GARNL3: variants seen among roughly 807,000 people sequenced by gnomAD.
GARNL3 encodes GTPase-activating Rap/Ran-GAP domain-like protein 3.
In GARNL3, 63 loss-of-function variants were observed where a neutral mutation model predicts 125.0. The observed-to-expected ratio is 0.50, with a 90% confidence interval of 0.41 to 0.62. The LOEUF is 0.62. Ranked by LOEUF, GARNL3 falls within the 20% of genes least tolerant of loss-of-function variation. The probability of loss-of-function intolerance (pLI) is 0.00; values close to 1 mark genes in which losing one functional copy is unlikely to be tolerated. For missense variants in GARNL3, 994 were observed against 1,244.0 expected, an observed-to-expected ratio of 0.80 and a Z score of 3.02; for synonymous variants, 439 against 457.5, an observed-to-expected ratio of 0.96 and a Z score of 0.52.
upstream of GARNL3, chr9:127,264,102 T>G: frequency 1.3e-6 from 1 of 753,462 alleles, no homozygotes. Flanking sequence ...CGTAGAGTTA[T>G]TTGCATGACA....
intron 1 of GARNL3, among the ~76,000 whole-genome samples, chr9:127,229,599 G>A (rs528262335): frequency 6.6e-6 from 1 of 152,282 alleles, no homozygotes; most frequent in South Asian, 2.1e-4. Context: ...GGACTTAAGC[G>A]ATTCTCCAAC....
chr9:127,295,218 A>G (rs943795060), intron 2 of GARNL3, among the ~76,000 whole-genome samples: 1 of 152,240 alleles, frequency 6.6e-6, no homozygotes, highest in African/African-American at 2.4e-5. Flanking sequence ...TGCCACAGGC[A>G]TGTCAGAACA....
rs76770209 is a variant in GARNL3 at position 127,256,705 on chromosome 9, G to A, written c.144-8247G>A. Among the ~76,000 whole-genome samples, 1,273 of 152,304 alleles carry A rather than the reference G, an allele frequency of 8.4e-3. 24 individuals are homozygous for A. In the East Asian group the frequency reaches 0.086, roughly 10 times the overall value. On this transcript the variant is annotated intron_variant, in intron 2 of 10. Coordinates refer to the GARNL3 transcript ENST00000439286. ...TTTTGAGATAATTATAGATTCATGT[G>A]CAGTGGTAAGAAATAACACAGAGAC...
At chr9:127,325,464 C>T (rs1224088535) in intron 7 of GARNL3, among the ~76,000 whole-genome samples, 2 of 152,030 alleles carry the variant, frequency 1.3e-5, no homozygotes, top group Admixed American at 6.6e-5. Context: ...GTTGCCATTC[C>T]CTGTTGCCCC....
At chr9:127,292,205 C>T (rs201936623) in intron 2 of GARNL3, among the ~76,000 whole-genome samples, 1 of 152,216 alleles carries the variant, frequency 6.6e-6, no homozygotes, top group East Asian at 1.9e-4. Flanking sequence ...TGTACATTTA[C>T]CTGACCCTTG....
chr9:127,355,935 A>C (rs1312143315), intron 20 of GARNL3, among the ~76,000 whole-genome samples: 1 of 152,172 alleles, frequency 6.6e-6, no homozygotes, highest in Non-Finnish European at 1.5e-5. Context: ...TATGGGAGTG[A>C]GTGATGAGGG....
intron 15 of GARNL3, among the ~76,000 whole-genome samples, chr9:127,345,026 C>A (rs1830063556): frequency 6.6e-6 from 1 of 152,168 alleles, no homozygotes; most frequent in African/African-American, 2.4e-5. Context: ...TCAAGGGAAG[C>A]TTAGTTACAA....
chr9:127,254,768 CA>C (rs35993565), intron 2 of GARNL3, among the ~76,000 whole-genome samples: 239 of 90,922 alleles, frequency 2.6e-3, no homozygotes, highest in Admixed American at 7.3e-3. Flanking sequence ...GATTCTGTCT[CA>C]AAAAAAAAAA....
chr9:127,277,494 A>T (rs560874951), intron 1 of GARNL3, among the ~76,000 whole-genome samples: 1 of 151,654 alleles, frequency 6.6e-6, no homozygotes, highest in South Asian at 2.1e-4. Flanking sequence ...CCTAATGTAC[A>T]GCTCTGGCAA....
At chr9:127,281,157 C>G (rs141642015) in intron 1 of GARNL3, among the ~76,000 whole-genome samples, 1,669 of 152,090 alleles carry the variant, frequency 0.011, 16 homozygotes, top group Non-Finnish European at 0.016. Context: ...CCAGATAGAA[C>G]CCATGCCAAA....
Position 127,239,816 on chromosome 9 carries a change from G to T in GARNL3, c.-28-3263G>T, listed in dbSNP as rs573201898. On this transcript the variant is annotated intron_variant, in intron 1 of 10. Transcript: ENST00000439286. ...AATCTGAACAGTTTTAGAAGTCAGAGAATTTGATGAAAGTGCAAAAAAAGA... is the reference window on the plus strand; with the variant it reads ...AATCTGAACAGTTTTAGAAGTCAGATAATTTGATGAAAGTGCAAAAAAAGA... Among the ~76,000 whole-genome samples, 8 of 152,220 alleles carry T rather than the reference G, an allele frequency of 5.3e-5. No homozygotes were observed. In the South Asian group the frequency reaches 1.5e-3, roughly 28 times the overall value.
intron 2 of GARNL3, among the ~76,000 whole-genome samples, chr9:127,253,412 T>C (rs2063440854): frequency 6.6e-6 from 1 of 152,240 alleles, no homozygotes; most frequent in South Asian, 2.1e-4. Flanking sequence ...CACACTTTCA[T>C]TTAACAAAAC....
In GARNL3 at chr9:127,313,579, T is replaced by G; in HGVS notation, c.438+20T>G. On this transcript the variant is annotated intron_variant, in intron 4 of 27. Transcript: ENST00000373387. The stretch of plus-strand genomic sequence containing the variant: ...AAAACAGTAAGTATATGGCTCACAC[T>G]TGAAGCAAAATTTATGCATCAGTTT... 6.6e-7 allele frequency: 1 copy of G among 1,516,248 alleles called. No individual in the cohort carries two copies. Among genetic ancestry groups the G allele is most frequent in the Non-Finnish European group, 9.2e-7 (1 of 1,090,678 alleles). 93.9% of individuals were successfully genotyped at this position (1,516,248 alleles called of 1,614,324 possible).
intron 20 of GARNL3, among the ~76,000 whole-genome samples, chr9:127,355,722 G>A (rs529868418): frequency 9.6e-4 from 146 of 152,308 alleles, no homozygotes; most frequent in African/African-American, 3.5e-3. Context: ...GTCTTCTGAT[G>A]GGGATTACTT....
At chr9:127,267,296 G>A (rs1020723358) in intron 1 of GARNL3, among the ~76,000 whole-genome samples, 13 of 152,120 alleles carry the variant, frequency 8.5e-5, no homozygotes, top group Admixed American at 2.0e-4. Context: ...AAAATTCCAC[G>A]TATAATCTTA....
intron 16 of GARNL3, among the ~76,000 whole-genome samples, chr9:127,347,869 CTT>C (rs1830223399): frequency 6.6e-6 from 1 of 152,042 alleles, no homozygotes; most frequent in Admixed American, 6.5e-5. Context: ...TTGGAATATT[CTT>C]TTTGAGACCG....
At chr9:127,336,952 T>G (rs1199895691) in intron 11 of GARNL3, among the ~76,000 whole-genome samples, 1 of 152,204 alleles carries the variant, frequency 6.6e-6, no homozygotes, top group Non-Finnish European at 1.5e-5. Context: ...CAGAATAAAT[T>G]CTAGTCGAGT....
chr9:127,230,870 T>C (rs1309474073), intron 1 of GARNL3, among the ~76,000 whole-genome samples: 2 of 151,086 alleles, frequency 1.3e-5, no homozygotes, highest in East Asian at 3.9e-4. Context: ...TGGTTAGGAT[T>C]GGCTGAACAA....
At chr9:127,289,976 G>A (rs529538095) in intron 1 of GARNL3, among the ~76,000 whole-genome samples, 1 of 152,340 alleles carries the variant, frequency 6.6e-6, no homozygotes, top group South Asian at 2.1e-4. Context: ...GTTAGATGAG[G>A]ACAATGGGTT....
Sources: gnomAD v4.1 joint callset for allele counts (sites outside exome capture counted in the v4.1 genomes callset) on GRCh38, gnomAD v4.1.1 for gene constraint, MANE v1.5 for transcripts, NCBI Gene and HGNC (gene_info 2026-07-23, HGNC 2026-07-21) for gene names.